Variants in SORBS2 observed in about 807,000 individuals in gnomAD.
The protein encoded by SORBS2 is sorbin and SH3 domain-containing protein 2.
Under a neutral mutation model 97.7 loss-of-function variants are expected in SORBS2, and 46 were observed. That is an observed-to-expected ratio of 0.47 (90% CI 0.37 to 0.60). The LOEUF is 0.60. SORBS2 is among the 20% of genes least tolerant of loss of function. SORBS2 has a pLI of 0.00. For missense variants in SORBS2, 1,316 were observed against 1,282.3 expected (o/e 1.03, Z -0.40); for synonymous variants, 476 against 473.4 (o/e 1.01, Z -0.07).
intron 2 of SORBS2, among the ~76,000 whole-genome samples, chr4:185,750,081 C>T (rs190511841): frequency 2.0e-3 from 307 of 152,348 alleles, no homozygotes; most frequent in Non-Finnish European, 2.8e-3. Flanking sequence ...AAAGACACTA[C>T]GTGCAGTGGA....
rs569297897 is a variant in SORBS2 at position 185,623,390 on chromosome 4, C to A, written c.1739G>T (p.Arg580Ile). Reference sequence around the variant, plus strand: ...CTCCTCGGTGTTTTCGTGTCTGGCTCTTTCGTGTTTTAACATTGTGGTAAA... The same window carrying A: ...CTCCTCGGTGTTTTCGTGTCTGGCTATTTCGTGTTTTAACATTGTGGTAAA... Residue 580 changes from arginine (R) to isoleucine (I), a missense_variant, in exon 7 of 15, where the codon AGA (arginine) becomes ATA (isoleucine). Coordinates refer to ENST00000418609, the Ensembl canonical transcript of SORBS2. The surrounding 1 kb of genome is among the most constrained non-coding windows in gnomAD (Gnocchi z 6.4). 6.2e-7 allele frequency: 1 copy of A among 1,612,412 alleles called. No homozygotes were observed.
At chr4:185,802,101 T>C (rs1368302647) in intron 1 of SORBS2, among the ~76,000 whole-genome samples, 1 of 152,232 alleles carries the variant, frequency 6.6e-6, no homozygotes, top group African/African-American at 2.4e-5. Flanking sequence ...CAAACTTCAA[T>C]TCTCTGAGCA....
In SORBS2 at chr4:185,656,810, A is replaced by G. The variant is rs1372921425; in HGVS notation, c.-172T>C. On this transcript the variant is annotated 5_prime_UTR_variant, in exon 1 of 15. Coordinates refer to ENST00000418609, the Ensembl canonical transcript of SORBS2. ...ATGCTTTGGCAGAGTTTTAAAACTTAAAAAAAAATCCAAACACTTTCACTT... is the reference window on the plus strand; with the variant it reads ...ATGCTTTGGCAGAGTTTTAAAACTTGAAAAAAAATCCAAACACTTTCACTT... 4 of 1,352,236 alleles carry G rather than the reference A, an allele frequency of 3.0e-6. No homozygotes were observed. In the African/African-American group the frequency reaches 4.5e-5, roughly 15 times the overall value. 83.8% of individuals were successfully genotyped at this position (1,352,236 alleles called of 1,614,324 possible).
intron 4 of SORBS2, among the ~76,000 whole-genome samples, chr4:185,668,713 G>A (rs930908304): frequency 3.3e-5 from 5 of 152,202 alleles, no homozygotes; most frequent in Non-Finnish European, 7.3e-5. Flanking sequence ...GGGAAAACTG[G>A]CTTTAAACAA....
At chr4:185,605,777 GTT>G (rs1227952244) in intron 12 of SORBS2, among the ~76,000 whole-genome samples, 2 of 152,190 alleles carry the variant, frequency 1.3e-5, no homozygotes, top group Non-Finnish European at 2.9e-5. Flanking sequence ...TAGTGACGGG[GTT>G]TCACCATGTT....
intron 4 of SORBS2, among the ~76,000 whole-genome samples, chr4:185,673,885 T>C (rs2097756869): frequency 6.6e-6 from 1 of 152,210 alleles, no homozygotes; most frequent in South Asian, 2.1e-4. Context: ...TCCCTTTCTT[T>C]CCACACATTT....
rs796500726 is a variant in SORBS2, at chr4:185,609,670, A to G, written c.2796+2110T>C. Among the ~76,000 whole-genome samples the G allele has an allele frequency of 2.0e-5, 3 of 152,376 alleles. No individual in the cohort carries two copies. The South Asian group carries it at 6.2e-4, about 32-fold the overall frequency. ...CAGAAATATCAGAAATAAAATCAAC[A>G]TACATTTTAGTCTCCCCTAAGACAA... On this transcript the variant is annotated intron_variant, in intron 12 of 14. Coordinates refer to ENST00000418609, the Ensembl canonical transcript of SORBS2.
chr4:185,681,587 C>T (rs1018601217), intron 2 of SORBS2, among the ~76,000 whole-genome samples: 2 of 152,144 alleles, frequency 1.3e-5, no homozygotes, highest in Non-Finnish European at 2.9e-5. Context: ...TGAAAATCCA[C>T]GAATGACTAA....
intron 1 of SORBS2, among the ~76,000 whole-genome samples, chr4:185,802,367 T>C (rs1454984859): frequency 6.6e-6 from 1 of 152,198 alleles, no homozygotes; most frequent in Admixed American, 6.5e-5. Flanking sequence ...GGATGTATAA[T>C]AAATGAATGA....
chr4:185,831,576 A>AT (rs981374291), intron 1 of SORBS2, among the ~76,000 whole-genome samples: 3 of 152,178 alleles, frequency 2.0e-5, no homozygotes, highest in Non-Finnish European at 2.9e-5. Context: ...CAGATCACAC[A>AT]TTGAGTAAGC....
intron 1 of SORBS2, among the ~76,000 whole-genome samples, chr4:185,820,102 G>A (rs547953744): frequency 6.6e-6 from 1 of 152,244 alleles, no homozygotes; most frequent in South Asian, 2.1e-4. Context: ...ACGGACCTCC[G>A]GGACCTTCCA....
intron 1 of SORBS2, among the ~76,000 whole-genome samples, chr4:185,893,504 T>C (rs905526714): frequency 6.6e-6 from 1 of 152,190 alleles, no homozygotes; most frequent in African/African-American, 2.4e-5. Context: ...CTGGAATAGA[T>C]AGCGTAGAGG....
chr4:185,810,160 G>A (rs922220077), intron 1 of SORBS2, among the ~76,000 whole-genome samples: 3 of 152,184 alleles, frequency 2.0e-5, no homozygotes, highest in South Asian at 4.1e-4. Context: ...CCGCATAGGC[G>A]TACACTTATC....
intron 2 of SORBS2, among the ~76,000 whole-genome samples, chr4:185,692,733 A>G (rs34150318): frequency 0.23 from 34,513 of 152,118 alleles, 4,781 homozygotes; most frequent in Non-Finnish European, 0.3. Context: ...ATAATTATAA[A>G]GCAAGATTTT....
chr4:185,676,598 T>C (rs1417868849), intron 4 of SORBS2, among the ~76,000 whole-genome samples: 1 of 152,218 alleles, frequency 6.6e-6, no homozygotes, highest in Non-Finnish European at 1.5e-5. Context: ...CTGAAGAGGT[T>C]TTACACATGT....
rs575934707 is a variant in SORBS2 at position 185,682,140 on chromosome 4, C to T, written c.-197-3318G>A. Among the ~76,000 whole-genome samples the T allele has an allele frequency of 1.1e-4, 16 of 152,090 alleles. No individual in the cohort carries two copies. The South Asian group carries it at 2.3e-3, about 22-fold the overall frequency. ...GACAAATCCTTGTGAGTCTGGGAAA[C>T]GATTAAGCTTTCAGAGAGGTAAGAA... On this transcript the variant is annotated intron_variant, in intron 2 of 20. Transcript: ENST00000284776.
At chr4:185,920,234 C>T (rs1426040370) in intron 1 of SORBS2, among the ~76,000 whole-genome samples, 1 of 152,150 alleles carries the variant, frequency 6.6e-6, no homozygotes, top group Non-Finnish European at 1.5e-5. Flanking sequence ...AGAACTCCAA[C>T]CAGTTCCCAC....
intron 1 of SORBS2, among the ~76,000 whole-genome samples, chr4:185,802,203 A>G (rs1254159840): frequency 6.6e-6 from 1 of 152,220 alleles, no homozygotes; most frequent in Admixed American, 6.5e-5. Context: ...TTTTGAAGGA[A>G]TAAATAAATG....
upstream of SORBS2, among the ~76,000 whole-genome samples, chr4:185,659,717 G>A (rs1274398497): frequency 2.0e-5 from 3 of 152,088 alleles, no homozygotes; most frequent in South Asian, 2.1e-4. Context: ...CACCGCGCCC[G>A]GCTAAGCTAG....
Sources: allele counts gnomAD v4.1 joint callset (sites outside exome capture counted in the v4.1 genomes callset), GRCh38; gene constraint gnomAD v4.1.1; non-coding constraint Gnocchi (gnomAD v3.1); transcripts MANE v1.5; gene names NCBI Gene and HGNC (gene_info 2026-07-23, HGNC 2026-07-21).